The following ASPM variants were observed in gnomAD, a reference collection of about 807,000 sequenced individuals.
ASPM encodes the protein abnormal spindle-like microcephaly-associated protein.
Under a neutral mutation model 366.4 loss-of-function variants are expected in ASPM, and 256 were observed. That is an observed-to-expected ratio of 0.70 (90% confidence interval 0.63 to 0.77). ASPM has a LOEUF of 0.77. ASPM is among the 30% of genes least tolerant of loss of function. The pLI is 0.00. For missense variants in ASPM, 4,146 were observed against 4,090.4 expected (o/e 1.01, Z -0.37); for synonymous variants, 1,414 against 1,342.9 (o/e 1.05, Z -1.16).
intron 7 of ASPM, among the ~76,000 whole-genome samples, 172 bp from the exon 8 acceptor site, chr1:197,130,228 T>C (rs1013903187): frequency 2.0e-5 from 3 of 152,212 alleles, no homozygotes; most frequent in Admixed American, 6.5e-5. Flanking sequence ...TTTATGTATA[T>C]CTTATTGTAT....
chr1:197,090,321 C>T lies in ASPM; in HGVS notation c.9704G>A (p.Ser3235Asn). The change falls in exon 24 of 28, where the codon AGT becomes AAT. Residue 3235 changes from serine to asparagine, a missense_variant. Ser to Asn is a conservative substitution (Grantham distance 46, BLOSUM62 1). Around this residue, in one of 3 missense-constraint regions of ASPM, gnomAD observed 3,624 missense variants for 3,591.7 expected, o/e 1.01. Transcript: ENST00000367409. ...AATCTCCCTATTAACAACTTGAAGA[C>T]TTAGTCGTATAGCTTTAATTTTTGT... ...DCTKIKAIRL[S>N]LQVVNREIRE... 2 of 1,612,796 alleles carry T rather than the reference C, an allele frequency of 1.2e-6. No individual in the cohort carries two copies. Among genetic ancestry groups the T allele is most frequent in the Non-Finnish European group, 1.7e-6 (2 of 1,179,238 alleles).
chr1:197,134,373 A>T (rs1361764029), intron 5 of ASPM, among the ~76,000 whole-genome samples: 1 of 152,030 alleles, frequency 6.6e-6, no homozygotes, highest in Non-Finnish European at 1.5e-5. Flanking sequence ...GATCACACCA[A>T]TGCACTCCAG....
chr1:197,123,856 T>C (rs1272853737), intron 13 of ASPM, among the ~76,000 whole-genome samples: 2 of 152,170 alleles, frequency 1.3e-5, no homozygotes, highest in Admixed American at 6.5e-5. Flanking sequence ...CCCAGTTCTA[T>C]GCAAGCATCT....
chr1:197,094,760 G>C (rs1457485422), intron 19 of ASPM, among the ~76,000 whole-genome samples: 1 of 151,710 alleles, frequency 6.6e-6, no homozygotes, highest in African/African-American at 2.4e-5. Context: ...GATAAAATGT[G>C]AGAATGGACA....
In ASPM at chr1:197,130,002, C is replaced by T; in HGVS notation, c.2542G>A (p.Ala848Thr). 5 of 1,613,922 alleles carry T rather than the reference C, an allele frequency of 3.1e-6. No homozygotes were observed. The highest frequency in any genetic ancestry group is 4.2e-6 in the Non-Finnish European group (5 of 1,179,914). ...LEDNSDVTGL[A>T]MFILNRLLWN... is the part of the protein sequence containing the mutation. ...AGTAGGCGATTCAGAATAAACATAG[C>T]CAACCCTGTGACATCACTGTTATCT... is the stretch of plus-strand genomic sequence containing the variant. The change falls in exon 8 of 28, where the codon GCT becomes ACT. Residue 848 changes from alanine to threonine, a missense_variant. This residue lies in a region of ASPM where 3,624 missense variants were observed against 3,591.7 expected (regional missense o/e 1.01). Coordinates refer to ENST00000367409, the MANE Select transcript of ASPM (RefSeq NM_018136.5).
chr1:197,101,201 C>A lies in ASPM; in HGVS notation c.8050G>T (p.Asp2684Tyr), dbSNP rs1263224475. ...SYYRGFKVRK[D>Y]IQNMHRAATL... is the part of the protein sequence containing the mutation. The stretch of plus-strand genomic sequence containing the variant: ...GCAGCCCGGTGCATATTTTGAATAT[C>A]CTTTCGTACTTTAAAGCCTCTGTAA... The change falls in exon 18 of 28, where the codon GAT becomes TAT. Residue 2684 changes from aspartate to tyrosine, a missense_variant. Transcript: ENST00000367409. 1 of 1,612,106 alleles carries A rather than the reference C, an allele frequency of 6.2e-7. No homozygotes were observed. Among genetic ancestry groups the A allele is most frequent in the African/African-American group, 1.3e-5 (1 of 74,748 alleles).
chr1:197,145,816 T>A (rs1379861575), intron 1 of ASPM, among the ~76,000 whole-genome samples: 17 of 150,132 alleles, frequency 1.1e-4, no homozygotes, highest in African/African-American at 3.9e-4. Context: ...CCCGCCCAAG[T>A]TAGCGTCTAT....
intron 4 of ASPM, 44 bp from the exon 5 acceptor site, chr1:197,135,286 C>CTTATTGTACAATATACA: frequency 6.3e-7 from 1 of 1,585,234 alleles, no homozygotes; most frequent in Non-Finnish European, 8.7e-7. Flanking sequence ...TTTCCTTTAA[C>CTTATTGTACAATATACA]TTATTGTACA....
Position 197,103,488 on chromosome 1 carries a change from T to A in ASPM, c.5763A>T (p.Lys1921Asn), listed in dbSNP as rs768805812. The A allele has an allele frequency of 6.2e-7, 1 of 1,613,260 alleles. No homozygotes were observed. The part of the protein sequence containing the change: ...AKAQKQFRLF[K>N]TAALVIQQNF... Reference sequence around the variant, plus strand: ...TTTGCTGGATGACTAATGCTGCTGTTTTAAACAATCTAAACTGTTTCTGGG... The same window carrying A: ...TTTGCTGGATGACTAATGCTGCTGTATTAAACAATCTAAACTGTTTCTGGG... The change falls in exon 18 of 28, where the codon AAA becomes AAT. Residue 1921 changes from lysine (K) to asparagine (N), a missense_variant. Coordinates refer to ENST00000367409, the MANE Select transcript of ASPM (RefSeq NM_018136.5).
intron 23 of ASPM, 98 bp downstream of exon 23, chr1:197,090,752 G>T: frequency 8.5e-7 from 1 of 1,172,826 alleles, no homozygotes; most frequent in Non-Finnish European, 1.2e-6. Flanking sequence ...TAATGCGTTA[G>T]CTTTTTAAAA....
intron 10 of ASPM, among the ~76,000 whole-genome samples, chr1:197,127,898 G>C (rs1658136110): frequency 6.6e-6 from 1 of 152,126 alleles, no homozygotes; most frequent in Non-Finnish European, 1.5e-5. Flanking sequence ...AGGCACGGTG[G>C]CTCATGCCTG....
intron 17 of ASPM, among the ~76,000 whole-genome samples, chr1:197,108,613 C>G (rs752458952): frequency 6.6e-6 from 1 of 151,748 alleles, no homozygotes; most frequent in African/African-American, 2.4e-5. Flanking sequence ...TGAAATGGAC[C>G]AATTCTTCGA....
At position 197,090,003 on chromosome 1, in the gene ASPM, C is replaced by T. The variant is rs149859034; in HGVS notation, c.9911G>A (p.Arg3304Gln). ...GAISKIFVLI[R>Q]SCNRSIPCME... ...ACAAGGAATACTGCGATTACAACTTCGGATCAAAACAAATATTTTAGAAAT... is the reference window on the plus strand; with the variant it reads ...ACAAGGAATACTGCGATTACAACTTTGGATCAAAACAAATATTTTAGAAAT... Residue 3304 changes from arginine to glutamine, a missense_variant, in exon 25 of 28, where the codon CGA (arginine) becomes CAA (glutamine). By Grantham distance (43) the Arg-to-Gln change is conservative (BLOSUM62 1). Around this residue, in one of 3 missense-constraint regions of ASPM, gnomAD observed 3,624 missense variants for 3,591.7 expected, o/e 1.01. Coordinates refer to ENST00000367409, the MANE Select transcript of ASPM (RefSeq NM_018136.5). The T allele has an allele frequency of 1.5e-4, 247 of 1,613,044 alleles. No homozygotes were observed. In the African/African-American group the frequency reaches 2.1e-3, roughly 14 times the overall value.
chr1:197,088,567 G>T, intron 25 of ASPM, 135 bp from the exon 26 acceptor site: 1 of 668,360 alleles, frequency 1.5e-6, no homozygotes, highest in Non-Finnish European at 2.6e-6. Flanking sequence ...AAGTGCAAAG[G>T]ACTTTGTGAA....
chr1:197,124,615 CTG>C (rs1430046958), intron 12 of ASPM, among the ~76,000 whole-genome samples: 1 of 150,270 alleles, frequency 6.7e-6, no homozygotes, highest in East Asian at 2.0e-4. Context: ...ATGATGTAAA[CTG>C]TAGTTTCAGT....
intron 17 of ASPM, among the ~76,000 whole-genome samples, chr1:197,115,386 T>C (rs1657710789): frequency 6.6e-6 from 1 of 152,178 alleles, no homozygotes; most frequent in Non-Finnish European, 1.5e-5. Flanking sequence ...TCCATAAAAG[T>C]TGGTTGGAAT....
At chr1:197,114,600 G>T (rs980651998) in intron 17 of ASPM, among the ~76,000 whole-genome samples, 2 of 152,080 alleles carry the variant, frequency 1.3e-5, no homozygotes, top group Non-Finnish European at 2.9e-5. Context: ...AACAGTTAGG[G>T]TCTCACTGTG....
In ASPM at chr1:197,101,054, T is replaced by C. The variant is rs781315537; in HGVS notation, c.8197A>G (p.Lys2733Glu). Residue 2733 changes from lysine to glutamate, a missense_variant, in exon 18 of 28, where the codon AAA (lysine) becomes GAA (glutamate). This residue lies in a region of ASPM where 3,624 missense variants were observed against 3,591.7 expected (regional missense o/e 1.01). Transcript: ENST00000367409. ...GATTTCTGAACTGCTAAAAAGTTTTTTCTTTCTGTTTTTACTCTAACATAC... is the reference window on the plus strand; with the variant it reads ...GATTTCTGAACTGCTAAAAAGTTTTCTCTTTCTGTTTTTACTCTAACATAC... ...RLYVRVKTERKNFLAVQKSVR... is the reference protein window; with the variant it reads ...RLYVRVKTERENFLAVQKSVR... 2 of 1,611,468 alleles carry C rather than the reference T, an allele frequency of 1.2e-6. No homozygotes were observed. The highest frequency in any genetic ancestry group is 1.7e-6 in the Non-Finnish European group (2 of 1,178,764).
chr1:197,128,252 T>C (rs960661660), intron 10 of ASPM, among the ~76,000 whole-genome samples: 3 of 151,960 alleles, frequency 2.0e-5, no homozygotes, highest in African/African-American at 7.2e-5. Flanking sequence ...TCAGTAATTA[T>C]TATCCATGAG....
Sources: allele counts gnomAD v4.1 joint callset (sites outside exome capture counted in the v4.1 genomes callset), GRCh38; gene constraint gnomAD v4.1.1; regional missense constraint gnomAD v4.1.1; transcripts MANE v1.5; gene names NCBI Gene and HGNC (gene_info 2026-07-23, HGNC 2026-07-21).